BIRC2: variants seen among roughly 807,000 people sequenced by gnomAD.
The protein encoded by BIRC2 is baculoviral IAP repeat-containing protein 2.
BIRC2 carries 18 observed loss-of-function variants against 60.9 expected under a neutral mutation model. The ratio of observed to expected loss-of-function variants is 0.30; its 90% CI spans 0.20 to 0.44. The LOEUF (loss-of-function observed/expected upper bound fraction) is 0.44. Ranked by LOEUF, BIRC2 falls within the 20% of genes least tolerant of loss-of-function variation. The pLI is 1.00. For missense variants in BIRC2, 701 were observed against 728.5 expected (o/e 0.96, Z 0.43); for synonymous variants, 282 against 247.7 (o/e 1.14, Z -1.30).
In BIRC2 at chr11:102,378,007, C is replaced by T; in HGVS notation, c.1681C>T (p.Gln561Ter). 6.2e-7 allele frequency: 1 copy of T among 1,609,224 alleles called. No homozygotes were observed. ...EDVSGLSLEE[Q>*]LRRLQEERTC... ...GTTATTAGGTCTGTCACTGGAAGAA[C>T]AATTGAGGAGGTTGCAAGAAGAACG... is the stretch of plus-strand genomic sequence containing the variant. Residue 561 changes from glutamine to a stop codon, truncating the protein, a stop_gained, in exon 9 of 9, where the codon CAA becomes TAA. Transcript: ENST00000227758. LOFTEE classifies it high-confidence loss of function.
chr11:102,351,020 T>C (rs921462980), intron 3 of BIRC2, 77 bp downstream of exon 3: 1 of 1,331,330 alleles, frequency 7.5e-7, no homozygotes, highest in Non-Finnish European at 1.1e-6. Flanking sequence ...TGATTTTGTT[T>C]ACCTTTAAAT....
intron 5 of BIRC2, among the ~76,000 whole-genome samples, chr11:102,365,741 TAA>T (rs1951545696): frequency 5.4e-5 from 8 of 146,812 alleles, no homozygotes; most frequent in African/African-American, 1.8e-4. Context: ...CACATTCAGC[TAA>T]GTGTGTGTGT....
chr11:102,359,426 C>G (rs1951459927), intron 3 of BIRC2, among the ~76,000 whole-genome samples: 1 of 152,052 alleles, frequency 6.6e-6, no homozygotes, highest in Non-Finnish European at 1.5e-5. Context: ...ATATATTTAT[C>G]TTAACAGTGA....
chr11:102,356,019 T>C (rs2135807843), intron 3 of BIRC2, among the ~76,000 whole-genome samples: 1 of 152,264 alleles, frequency 6.6e-6, no homozygotes, highest in East Asian at 1.9e-4. Flanking sequence ...GTTTTCTATA[T>C]ATATAAGATT....
chr11:102,353,452 G>A (rs1169934370), intron 3 of BIRC2, among the ~76,000 whole-genome samples: 6 of 151,914 alleles, frequency 3.9e-5, no homozygotes, highest in Admixed American at 3.9e-4. Flanking sequence ...CCGAGTAGCT[G>A]GAATTATAGG....
At chr11:102,363,826 G>A (rs1161483715) in intron 5 of BIRC2, 110 bp downstream of exon 5, 7 of 758,164 alleles carry the variant, frequency 9.2e-6, no homozygotes, top group Admixed American at 2.5e-5. Context: ...AGAGGCCGAG[G>A]TTGACAGATC....
intron 3 of BIRC2, among the ~76,000 whole-genome samples, chr11:102,353,417 C>T (rs958334719): frequency 3.9e-5 from 6 of 152,200 alleles, no homozygotes; most frequent in African/African-American, 7.2e-5. Flanking sequence ...GCAACCTCCA[C>T]CTCCTGGGTT....
rs1333321928 is a variant in BIRC2, at chr11:102,374,368, G to A, written c.1367-3128G>A. ...TTCGGTGTGGATGTCCTTTCTGTTTGTTAGTTTTCCTTCTAACAGACAGGA... is the reference window on the plus strand; with the variant it reads ...TTCGGTGTGGATGTCCTTTCTGTTTATTAGTTTTCCTTCTAACAGACAGGA... On this transcript the variant is annotated intron_variant, in intron 6 of 8. Transcript: ENST00000227758. 5.4e-5 allele frequency among the ~76,000 whole-genome samples: 8 copies of A among 148,894 alleles called. 1 individual carries two copies. In the Middle Eastern group the frequency reaches 0.01, roughly 190 times the overall value.
intron 6 of BIRC2, among the ~76,000 whole-genome samples, chr11:102,369,166 A>G (rs921204283): frequency 6.8e-6 from 1 of 147,176 alleles, no homozygotes; most frequent in Non-Finnish European, 1.5e-5. Flanking sequence ...TCTTTTTTCT[A>G]TTTTTTTTTA....
Position 102,350,120 on chromosome 11 carries a change from T to G in BIRC2, c.266T>G (p.Met89Arg). The change falls in exon 2 of 9, where the codon ATG becomes AGG. Residue 89 changes from methionine (M) to arginine (R), a missense_variant. Transcript: ENST00000227758. ...DKVKCFCCGL[M>R]LDNWKLGDSP... The stretch of plus-strand genomic sequence containing the variant: ...GTCAAATGCTTCTGTTGTGGCCTGA[T>G]GCTGGATAACTGGAAACTAGGAGAC... 1 of 1,614,226 alleles carries G rather than the reference T, an allele frequency of 6.2e-7. No homozygotes were observed. The highest frequency in any genetic ancestry group is 8.5e-7 in the Non-Finnish European group (1 of 1,180,036).
intron 3 of BIRC2, chr11:102,362,680 T>C: frequency 2.4e-6 from 1 of 421,172 alleles, no homozygotes; most frequent in Non-Finnish European, 4.3e-6. Context: ...TGTTAATGGA[T>C]TGAATTAGAA....
chr11:102,356,195 C>CT (rs540599539), intron 3 of BIRC2, among the ~76,000 whole-genome samples: 8,860 of 126,898 alleles, frequency 0.07, 382 homozygotes, highest in Non-Finnish European at 0.086. Context: ...AAGCTGAAAG[C>CT]TTTTTTTTTT....
chr11:102,366,076 G>A lies in BIRC2; in HGVS notation c.1124-2230G>A, dbSNP rs1046735051. Among the ~76,000 whole-genome samples, 12 of 152,124 alleles carry A rather than the reference G, an allele frequency of 7.9e-5. No individual in the cohort carries two copies. In the South Asian group the frequency reaches 2.5e-3, roughly 32 times the overall value. Reference sequence around the variant, plus strand: ...TCTCCATTTCCTGAGCCCCAAGCTGGAATGTCCAGCTAACTGTTTAAATCT... The same window carrying A: ...TCTCCATTTCCTGAGCCCCAAGCTGAAATGTCCAGCTAACTGTTTAAATCT... On this transcript the variant is annotated intron_variant, in intron 5 of 8. Transcript: ENST00000227758.
intron 5 of BIRC2, among the ~76,000 whole-genome samples, chr11:102,365,743 AGTGTGTGTGTGTGT>A (rs34130638): frequency 6.8e-6 from 1 of 147,568 alleles, no homozygotes; most frequent in African/African-American, 2.5e-5. Flanking sequence ...CATTCAGCTA[AGTGTGTGTGTGTGT>A]GTGTGTGTGT....
In BIRC2 at chr11:102,350,393, C is replaced by T; in HGVS notation, c.539C>T (p.Ala180Val). 2 of 1,614,192 alleles carry T rather than the reference C, an allele frequency of 1.2e-6. No homozygotes were observed. The highest frequency in any genetic ancestry group is 1.7e-6 in the Non-Finnish European group (2 of 1,180,036). ...SSSRTNPYSY[A>V]MSTEEARFLT... The stretch of plus-strand genomic sequence containing the variant: ...TCGAGGACTAACCCCTACAGTTATG[C>T]AATGAGTACTGAAGAAGCCAGATTT... Residue 180 changes from alanine (A) to valine (V), a missense_variant, in exon 2 of 9, where the codon GCA becomes GTA. By Grantham distance (64) the Ala-to-Val change is moderately conservative. Around this residue, in one of 4 missense-constraint regions of BIRC2, gnomAD observed 375 missense variants for 365.9 expected, o/e 1.02. Transcript: ENST00000227758.
chr11:102,352,926 A>G (rs1008630439), intron 3 of BIRC2, among the ~76,000 whole-genome samples: 1 of 152,218 alleles, frequency 6.6e-6, no homozygotes, highest in African/African-American at 2.4e-5. Flanking sequence ...TGAAGTAACA[A>G]ATACTTTATT....
At chr11:102,352,685 C>T (rs1428492380) in intron 3 of BIRC2, among the ~76,000 whole-genome samples, 2 of 152,166 alleles carry the variant, frequency 1.3e-5, no homozygotes, top group East Asian at 3.8e-4. Flanking sequence ...CTCACCTTTG[C>T]CTCCGAAAGT....
chr11:102,350,416 T>C lies in BIRC2; in HGVS notation c.562T>C (p.Phe188Leu), dbSNP rs758975746. 5.0e-6 allele frequency: 8 copies of C among 1,614,218 alleles called. No homozygotes were observed. Among genetic ancestry groups the C allele is most frequent in the Non-Finnish European group, 5.1e-6 (6 of 1,180,036 alleles). ...SYAMSTEEAR[F>L]LTYHMWPLTF... ...TGCAATGAGTACTGAAGAAGCCAGA[T>C]TTCTTACCTACCATATGTGGCCATT... Residue 188 changes from phenylalanine (F) to leucine (L), a missense_variant, in exon 2 of 9, where the codon TTT becomes CTT. Physicochemically the swap from Phe to Leu is conservative, Grantham distance 22. Transcript: ENST00000227758.
chr11:102,350,569 G>GA lies in BIRC2; in HGVS notation c.717dup (p.His240ThrfsTer21). The stretch of plus-strand genomic sequence containing the variant: ...GGAACCAAAGGATGATGCTATGTCA[G>GA]AACACCGGAGGCATTTTCCCAACTG... On this transcript the variant is annotated frameshift_variant, in exon 2 of 9. Transcript: ENST00000227758. LOFTEE classifies it high-confidence loss of function. The GA allele has an allele frequency of 6.2e-7, 1 of 1,614,218 alleles. No individual in the cohort carries two copies. Among genetic ancestry groups the GA allele is most frequent in the Non-Finnish European group, 8.5e-7 (1 of 1,180,036 alleles).
Sources: gnomAD v4.1 joint callset for allele counts (sites outside exome capture counted in the v4.1 genomes callset) on GRCh38, gnomAD v4.1.1 for gene constraint, gnomAD v4.1.1 regional missense constraint, MANE v1.5 for transcripts, NCBI Gene and HGNC (gene_info 2026-07-23, HGNC 2026-07-21) for gene names.